CDK14: variants seen among roughly 807,000 people sequenced by gnomAD.
CDK14 encodes cyclin-dependent kinase 14.
A neutral mutation model predicts 60.7 loss-of-function variants in CDK14; 34 were observed. The observed-to-expected ratio is 0.56, with a 90% CI of 0.43 to 0.75. CDK14 has a LOEUF of 0.75. Among genes scored for constraint, CDK14 ranks in the 30% least tolerant of loss-of-function variants. The pLI, the probability that CDK14 is intolerant of heterozygous loss-of-function variation, is 0.00. For synonymous variants in CDK14, 197 were observed against 203.7 expected (o/e 0.97, Z 0.28); for missense variants, 482 against 564.1 (o/e 0.85, Z 1.47).
intron 12 of CDK14, among the ~76,000 whole-genome samples, chr7:91,085,245 G>A (rs532370310): frequency 4.6e-5 from 7 of 152,066 alleles, no homozygotes; most frequent in South Asian, 2.1e-4. Flanking sequence ...AGAGGCTTTC[G>A]GGGAGAATTT....
At chr7:91,185,788 G>A (rs1302836308) in intron 14 of CDK14, among the ~76,000 whole-genome samples, 1 of 151,598 alleles carries the variant, frequency 6.6e-6, no homozygotes, top group Non-Finnish European at 1.5e-5. Flanking sequence ...AGCAGTTCGG[G>A]GGTTTTTAGT....
At chr7:91,120,637 A>G (rs1484108567) in intron 14 of CDK14, among the ~76,000 whole-genome samples, 1 of 151,908 alleles carries the variant, frequency 6.6e-6, no homozygotes, top group Non-Finnish European at 1.5e-5. Context: ...CCTGGGTTCA[A>G]GCAATTCTCC....
rs563015069 is a variant in CDK14 at position 90,910,503 on chromosome 7, A to G, written c.703-7098A>G. ...TGGGTAGTTTAAGGTTGTGCAGTCT[A>G]TGGGTTTTTAAATGATACGGCGTTA... On this transcript the variant is annotated intron_variant, in intron 7 of 14. Transcript: ENST00000380050. Among the ~76,000 whole-genome samples the G allele has an allele frequency of 2.2e-4, 34 of 152,282 alleles. 1 individual carries two copies. The South Asian group carries it at 5.4e-3, about 24-fold the overall frequency.
chr7:90,862,084 C>T (rs775463065), intron 5 of CDK14, among the ~76,000 whole-genome samples: 1 of 152,032 alleles, frequency 6.6e-6, no homozygotes, highest in Non-Finnish European at 1.5e-5. Context: ...GTTAATTGAA[C>T]TTCTGGCAAG....
intron 2 of CDK14, among the ~76,000 whole-genome samples, chr7:90,698,161 C>G: frequency 6.7e-6 from 1 of 150,268 alleles, no homozygotes; most frequent in Non-Finnish European, 1.5e-5. Context: ...CTGATTCGTG[C>G]TACTTGATGT....
At chr7:90,824,510 A>C (rs1789655809) in intron 5 of CDK14, 1 of 152,236 alleles carries the variant, frequency 6.6e-6, no homozygotes, top group South Asian at 2.1e-4. Flanking sequence ...CTGTGTTCTT[A>C]AATCTCAGCA....
intron 2 of CDK14, among the ~76,000 whole-genome samples, chr7:90,658,836 C>G (rs761185258): frequency 3.9e-5 from 6 of 152,018 alleles, no homozygotes; most frequent in Non-Finnish European, 7.4e-5. Context: ...ATTGATGTGT[C>G]ATATGGTAAC....
chr7:91,144,439 A>T (rs1391323433), intron 14 of CDK14, among the ~76,000 whole-genome samples: 1 of 152,206 alleles, frequency 6.6e-6, no homozygotes, highest in Non-Finnish European at 1.5e-5. Context: ...CCATATTTGG[A>T]TGGTATTGGC....
intron 8 of CDK14, among the ~76,000 whole-genome samples, chr7:90,925,487 GT>G (rs1382124682): frequency 6.6e-6 from 1 of 152,180 alleles, no homozygotes; most frequent in East Asian, 1.9e-4. Context: ...TTTCTGAATA[GT>G]TATCATTAAG....
At chr7:90,633,846 A>G (rs1431040249) in intron 2 of CDK14, among the ~76,000 whole-genome samples, 1 of 152,206 alleles carries the variant, frequency 6.6e-6, no homozygotes, top group African/African-American at 2.4e-5. Flanking sequence ...TCAGTCTACA[A>G]ACTATTCTAG....
At chr7:90,838,268 C>T (rs1159508533) in intron 5 of CDK14, among the ~76,000 whole-genome samples, 1 of 152,082 alleles carries the variant, frequency 6.6e-6, no homozygotes, top group African/African-American at 2.4e-5. Flanking sequence ...TTTATAATTT[C>T]CTATGCCTGT....
chr7:91,031,966 G>A (rs185801947), intron 10 of CDK14, among the ~76,000 whole-genome samples: 3 of 152,216 alleles, frequency 2.0e-5, no homozygotes, highest in African/African-American at 4.8e-5. Context: ...AGTCTTTGCC[G>A]GCCTTGCATA....
At chr7:90,995,052 G>A (rs146977669) in intron 10 of CDK14, among the ~76,000 whole-genome samples, 2,522 of 152,278 alleles carry the variant, frequency 0.017, 24 homozygotes, top group Non-Finnish European at 0.022. Flanking sequence ...TGGCGTTTAT[G>A]CCCTTGTGTA....
chr7:90,819,557 GT>G (rs1021864609), intron 5 of CDK14, among the ~76,000 whole-genome samples: 4 of 151,756 alleles, frequency 2.6e-5, no homozygotes, highest in Non-Finnish European at 5.9e-5. Context: ...TGTAGGCCTG[GT>G]TGAGTTCATG....
chr7:90,647,839 G>C (rs768505454), intron 2 of CDK14, among the ~76,000 whole-genome samples: 3 of 152,090 alleles, frequency 2.0e-5, no homozygotes, highest in Non-Finnish European at 2.9e-5. Flanking sequence ...CTGGACAACA[G>C]AGTGAGATCC....
chr7:90,717,269 A>G (rs1297791668), intron 2 of CDK14, among the ~76,000 whole-genome samples: 1 of 152,160 alleles, frequency 6.6e-6, no homozygotes, highest in African/African-American at 2.4e-5. Context: ...ATGTGTAATT[A>G]TCACAGAAGA....
At position 90,654,550 on chromosome 7, in the gene CDK14, A is replaced by G. The variant is rs112020991; in HGVS notation, c.123+50301A>G. On this transcript the variant is annotated intron_variant, in intron 2 of 14. Transcript: ENST00000380050. Reference sequence around the variant, plus strand: ...TTAGAACTCATCATTTCACTAAAAAATAAGTTCACCGTAAGAACTCTCCAT... The same window carrying G: ...TTAGAACTCATCATTTCACTAAAAAGTAAGTTCACCGTAAGAACTCTCCAT... Among the ~76,000 whole-genome samples, 3 of 152,328 alleles carry G rather than the reference A, an allele frequency of 2.0e-5. No homozygotes were observed. In the South Asian group the frequency reaches 6.2e-4, roughly 32 times the overall value.
chr7:90,935,962 A>G (rs912976023), intron 8 of CDK14, among the ~76,000 whole-genome samples: 2 of 152,048 alleles, frequency 1.3e-5, no homozygotes, highest in Admixed American at 6.6e-5. Context: ...AGGAGGATCA[A>G]TAGAGGGAGG....
intron 2 of CDK14, among the ~76,000 whole-genome samples, chr7:90,658,623 G>T (rs575750745): frequency 6.6e-6 from 1 of 152,130 alleles, no homozygotes; most frequent in Non-Finnish European, 1.5e-5. Flanking sequence ...TTGTTGTAGC[G>T]TGTATCAGTG....
Sources: gnomAD v4.1 joint callset for allele counts (sites outside exome capture counted in the v4.1 genomes callset) on GRCh38, gnomAD v4.1.1 for gene constraint, MANE v1.5 for transcripts, NCBI Gene and HGNC (gene_info 2026-07-23, HGNC 2026-07-21) for gene names.